The following CMTM4 variants were observed in gnomAD, a reference collection of about 807,000 sequenced individuals.
The protein encoded by CMTM4 is CKLF like MARVEL transmembrane domain containing 4, also known as CKLF-like MARVEL transmembrane domain-containing protein 4.
A neutral mutation model predicts 19.0 loss-of-function variants in CMTM4; 8 were observed. The observed-to-expected ratio is 0.42, with a 90% CI of 0.25 to 0.76. The LOEUF (loss-of-function observed/expected upper bound fraction) is 0.76, where lower values mean the gene tolerates loss of function less well. Ranked by LOEUF, CMTM4 falls within the 30% of genes least tolerant of loss-of-function variation. CMTM4 has a pLI of 0.27. For missense variants in CMTM4, 228 were observed against 290.2 expected (o/e 0.79, Z 1.56); for synonymous variants, 106 against 121.1 (o/e 0.88, Z 0.82).
chr16:66,694,297 C>T (rs1025940712), intron 1 of CMTM4, among the ~76,000 whole-genome samples: 5 of 152,094 alleles, frequency 3.3e-5, no homozygotes, highest in South Asian at 2.1e-4. Context: ...TTTCAAACTC[C>T]CACAGTGCAA....
chr16:66,666,181 G>C (rs571244897), intron 1 of CMTM4, among the ~76,000 whole-genome samples: 1 of 151,974 alleles, frequency 6.6e-6, no homozygotes, highest in African/African-American at 2.4e-5. Flanking sequence ...GGCCAGGTGC[G>C]GTGGCTCACG....
the CMTM4 span, among the ~76,000 whole-genome samples, chr16:66,602,671 C>A: frequency 6.6e-6 from 1 of 152,088 alleles, no homozygotes; most frequent in Non-Finnish European, 1.5e-5. Context: ...CTCACCCTCC[C>A]AAGTAGCTGG....
At chr16:66,632,598 A>AGCTG (rs1289254867) in intron 2 of CMTM4, among the ~76,000 whole-genome samples, 1 of 152,050 alleles carries the variant, frequency 6.6e-6, no homozygotes, top group African/African-American at 2.4e-5. Context: ...AGTGGGGCTG[A>AGCTG]GCTGGCCCTG....
chr16:66,632,722 C>T (rs1224358424), intron 2 of CMTM4, among the ~76,000 whole-genome samples: 1 of 151,968 alleles, frequency 6.6e-6, no homozygotes, highest in East Asian at 1.9e-4. Flanking sequence ...AAAGGAGGAG[C>T]CCCGTGGCAC....
At chr16:66,643,354 T>A (rs185765431) in intron 1 of CMTM4, among the ~76,000 whole-genome samples, 1 of 152,192 alleles carries the variant, frequency 6.6e-6, no homozygotes, top group African/African-American at 2.4e-5. Flanking sequence ...TCACATATGC[T>A]CTGACACCAC....
At chr16:66,609,792 A>T, downstream of CMTM4, 2 of 1,613,182 alleles carry the variant, frequency 1.2e-6, no homozygotes, top group Non-Finnish European at 1.7e-6. The surrounding 1 kb of genome is among the most constrained non-coding windows in gnomAD (Gnocchi z 4.4). Context: ...TGTTTGTCCA[A>T]GCAGATCTGA....
At chr16:66,644,760 T>C (rs931290976) in intron 1 of CMTM4, among the ~76,000 whole-genome samples, 4 of 152,148 alleles carry the variant, frequency 2.6e-5, no homozygotes, top group Non-Finnish European at 4.4e-5. Context: ...CAGCCTGCAA[T>C]GTTCCAGACC....
Position 66,636,423 on chromosome 16 carries a change from C to A in CMTM4, c.345G>T (p.Gln115His), listed in dbSNP as rs1489680686. 1.4e-5 allele frequency: 23 copies of A among 1,614,014 alleles called. No individual in the cohort carries two copies. Among genetic ancestry groups the A allele is most frequent in the Non-Finnish European group, 1.9e-5 (23 of 1,179,940 alleles). Residue 115 changes from glutamine (Q) to histidine (H), a missense_variant, in exon 2 of 4, where the codon CAG becomes CAT. Physicochemically the swap from Gln to His is conservative, Grantham distance 24 (BLOSUM62 0). Transcript: ENST00000394106. The part of the protein sequence containing the change: ...FSLNLHMRIP[Q>H]INWNLTDLVN... Reference sequence around the variant, plus strand: ...TACTCACTGTCAGATTCCAGTTGATCTGGGGGATCCTCATGTGCAGGTTGA... The same window carrying A: ...TACTCACTGTCAGATTCCAGTTGATATGGGGGATCCTCATGTGCAGGTTGA...
At chr16:66,602,541 T>G in the CMTM4 span, among the ~76,000 whole-genome samples, 1,999 of 152,278 alleles carry the variant, frequency 0.013, 39 homozygotes, top group African/African-American at 0.046. Context: ...CTTCTTCTTC[T>G]TCTTTTTTCT....
intron 1 of CMTM4, among the ~76,000 whole-genome samples, chr16:66,673,650 G>A (rs1567427318): frequency 2.0e-5 from 3 of 152,280 alleles, no homozygotes; most frequent in African/African-American, 7.2e-5. Flanking sequence ...TAAAGCAAGA[G>A]ATTGTGTTTC....
At chr16:66,612,624 C>T (rs1377752613), downstream of CMTM4, 22 of 1,614,086 alleles carry the variant, frequency 1.4e-5, no homozygotes, top group East Asian at 4.5e-5. This position sits in a 1 kb window ranked among gnomAD's most constrained non-coding sequence, Gnocchi z 6.0. Context: ...AATTCCGACT[C>T]GGACTCTGAC....
chr16:66,683,538 G>C (rs1003898626), intron 1 of CMTM4, among the ~76,000 whole-genome samples: 17 of 151,472 alleles, frequency 1.1e-4, no homozygotes, highest in African/African-American at 4.1e-4. Context: ...TGATCCGCCT[G>C]CCTCGGTCTC....
chr16:66,606,282 G>A, the CMTM4 span, among the ~76,000 whole-genome samples: 18 of 152,208 alleles, frequency 1.2e-4, no homozygotes, highest in African/African-American at 3.1e-4. Context: ...CCCAGAAATC[G>A]CGGGATGAAA....
intron 1 of CMTM4, among the ~76,000 whole-genome samples, chr16:66,687,688 T>A (rs970203074): frequency 5.5e-5 from 8 of 146,138 alleles, no homozygotes; most frequent in Non-Finnish European, 9.0e-5. Flanking sequence ...GGTAATTTTT[T>A]TTTTTTTTTT....
the CMTM4 span, among the ~76,000 whole-genome samples, chr16:66,600,136 G>GGTTTTTTT: frequency 5.3e-4 from 72 of 135,138 alleles, 4 homozygotes; most frequent in African/African-American, 1.4e-3. Flanking sequence ...GTGTGTGTGT[G>GGTTTTTTT]TTTTTTTTTG....
the CMTM4 span, chr16:66,604,707 G>GT: frequency 3.1e-6 from 3 of 975,070 alleles, no homozygotes; most frequent in Admixed American, 9.1e-5. Flanking sequence ...GCGAGCCAGT[G>GT]TCGCCTGCCC....
chr16:66,624,431 C>T lies in CMTM4; in HGVS notation c.364-929G>A, dbSNP rs2015696621. On this transcript the variant is annotated intron_variant, in intron 2 of 3. Transcript: ENST00000394106. ...ATTACACTATCCACACCTGATGGAT[C>T]CTCTGGTCTGGCCTAGCTCCAAGGT... Among the ~76,000 whole-genome samples the T allele has an allele frequency of 2.0e-5, 3 of 152,358 alleles. No homozygotes were observed. The South Asian group carries it at 6.2e-4, about 32-fold the overall frequency.
chr16:66,644,012 C>T (rs575925036), intron 1 of CMTM4, among the ~76,000 whole-genome samples: 28 of 152,292 alleles, frequency 1.8e-4, no homozygotes, highest in African/African-American at 6.5e-4. Context: ...CCTTGGCCTC[C>T]CAAAGTGCTA....
chr16:66,623,315 G>T, intron 3 of CMTM4, 89 bp downstream of exon 3: 1 of 876,824 alleles, frequency 1.1e-6, no homozygotes, highest in Non-Finnish European at 1.8e-6. Context: ...AAAGCCACAG[G>T]AGGGGGAGCA....
Sources: gnomAD v4.1 joint callset for allele counts (sites outside exome capture counted in the v4.1 genomes callset) on GRCh38, gnomAD v4.1.1 for gene constraint, Gnocchi (gnomAD v3.1) non-coding constraint, MANE v1.5 for transcripts, NCBI Gene and HGNC (gene_info 2026-07-23, HGNC 2026-07-21) for gene names.